Variants in PCDHGA1 observed in about 807,000 individuals in gnomAD.
PCDHGA1 encodes protocadherin gamma subfamily A, 1, also known as protocadherin gamma-A1.
A neutral mutation model predicts 58.0 loss-of-function variants in PCDHGA1; 32 were observed. That is an observed-to-expected ratio of 0.55 (90% CI 0.42 to 0.74). The LOEUF (loss-of-function observed/expected upper bound fraction) is 0.74, where lower values mean the gene tolerates loss of function less well. Among genes scored for constraint, PCDHGA1 ranks in the 30% least tolerant of loss-of-function variants. The pLI, the probability that PCDHGA1 is intolerant of heterozygous loss-of-function variation, is 0.00. For synonymous variants in PCDHGA1, 498 were observed against 501.1 expected (o/e 0.99, Z 0.08); for missense variants, 1,205 against 1,182.3 (o/e 1.02, Z -0.28).
rs567174433 is a variant in PCDHGA1, at chr5:141,443,351, G to A, written c.2422-51456G>A. On this transcript the variant is annotated intron_variant, in intron 1 of 3. Coordinates refer to ENST00000517417, the MANE Select transcript of PCDHGA1 (RefSeq NM_018912.3). ...AAAACAAAAATTAACAAGGTTTAGT[G>A]GTCCATGCCTGTGGTCTCAGCTACT... 6.6e-5 allele frequency among the ~76,000 whole-genome samples: 10 copies of A among 152,072 alleles called. No homozygotes were observed. The South Asian group carries it at 2.1e-3, about 32-fold the overall frequency.
Position 141,366,304 on chromosome 5 carries a change from C to T in PCDHGA1, c.2421+33199C>T, listed in dbSNP as rs373044204. On this transcript the variant is annotated intron_variant, in intron 1 of 3. Coordinates refer to ENST00000517417, the MANE Select transcript of PCDHGA1 (RefSeq NM_018912.3). The stretch of plus-strand genomic sequence containing the variant: ...GCCAGCCCCCTCTGTCAGCCACCTT[C>T]ACGGTCACCGTTGCCGTGGCCGACA... 4.3e-5 allele frequency: 70 copies of T among 1,613,786 alleles called. No individual in the cohort carries two copies. The African/African-American group carries it at 9.1e-4, about 21-fold the overall frequency.
intron 1 of PCDHGA1, among the ~76,000 whole-genome samples, chr5:141,494,146 T>C (rs1167835696): frequency 1.3e-5 from 2 of 152,168 alleles, no homozygotes; most frequent in Non-Finnish European, 2.9e-5. Context: ...TCACAGACCA[T>C]TGTCTGGCAC....
At position 141,393,088 on chromosome 5, in the gene PCDHGA1, G is replaced by T. The variant is rs760420305; in HGVS notation, c.2421+59983G>T. ...TTGATCACCGCGGGCAGGATAGATCGGGAGGAGCTCTGCGCTCAGAGCCCG... is the reference window on the plus strand; with the variant it reads ...TTGATCACCGCGGGCAGGATAGATCTGGAGGAGCTCTGCGCTCAGAGCCCG... On this transcript the variant is annotated intron_variant, in intron 1 of 3. Transcript: ENST00000517417. 3.7e-6 allele frequency: 6 copies of T among 1,613,530 alleles called. No homozygotes were observed. In the East Asian group the frequency reaches 1.3e-4, roughly 36 times the overall value.
chr5:141,375,784 C>T, intron 1 of PCDHGA1: 1 of 1,614,254 alleles, frequency 6.2e-7, no homozygotes. Context: ...ACCCCGCCCT[C>T]CCCACAGACG....
chr5:141,420,135 A>T (rs2096469364), intron 1 of PCDHGA1: 1 of 1,614,026 alleles, frequency 6.2e-7, no homozygotes. Flanking sequence ...GTGCCTGGGG[A>T]TCAAATGAAT....
At chr5:141,377,878 G>A (rs568106041) in intron 1 of PCDHGA1, 1 of 152,254 alleles carries the variant, frequency 6.6e-6, no homozygotes, top group East Asian at 1.9e-4. Flanking sequence ...TCTCTTATCA[G>A]AGATAGGATC....
intron 1 of PCDHGA1, chr5:141,376,578 A>C: frequency 6.3e-6 from 10 of 1,590,844 alleles, no homozygotes; most frequent in Non-Finnish European, 8.6e-6. Flanking sequence ...AGACAGGCTC[A>C]TCAGCTAGAT....
Position 141,487,401 on chromosome 5 carries a change from T to C in PCDHGA1, c.2422-7406T>C, listed in dbSNP as rs2099644244. The C allele has an allele frequency of 6.2e-7, 1 of 1,614,134 alleles. No individual in the cohort carries two copies. The highest frequency in any genetic ancestry group is 1.3e-5 in the African/African-American group (1 of 75,046). On this transcript the variant is annotated intron_variant, in intron 1 of 3. Transcript: ENST00000517417. This position sits in a 1 kb window ranked among gnomAD's most constrained non-coding sequence, Gnocchi z 5.0. ...ACCAGATCTCGAAGGAGGGAGGGGCTTCCCCCTTCCAATGGGATCCTCCGA... is the reference window on the plus strand; with the variant it reads ...ACCAGATCTCGAAGGAGGGAGGGGCCTCCCCCTTCCAATGGGATCCTCCGA...
chr5:141,360,965 T>A (rs780001160), intron 1 of PCDHGA1: 1 of 1,613,786 alleles, frequency 6.2e-7, no homozygotes, highest in Admixed American at 1.7e-5. Context: ...AACGCAGAGA[T>A]CACCTACTCC....
At chr5:141,387,448 G>T (rs913381872) in intron 1 of PCDHGA1, among the ~76,000 whole-genome samples, 1 of 152,228 alleles carries the variant, frequency 6.6e-6, no homozygotes, top group African/African-American at 2.4e-5. Context: ...TAATCTACAT[G>T]ATTTGCCTAA....
intron 1 of PCDHGA1, among the ~76,000 whole-genome samples, chr5:141,452,284 C>G (rs1182155879): frequency 6.6e-6 from 1 of 152,112 alleles, no homozygotes; most frequent in Non-Finnish European, 1.5e-5. Context: ...TTCTTACTTT[C>G]TGATATAAGA....
chr5:141,427,611 G>A (rs747386422), intron 1 of PCDHGA1: 22 of 691,570 alleles, frequency 3.2e-5, no homozygotes, highest in Non-Finnish European at 5.5e-5. Context: ...CATTGGTGAA[G>A]TCAACGACAA....
intron 1 of PCDHGA1, chr5:141,375,644 G>C: frequency 6.2e-7 from 1 of 1,614,180 alleles, no homozygotes; most frequent in Non-Finnish European, 8.5e-7. Flanking sequence ...GCGCTCCTTC[G>C]ACTATGAGCA....
Position 141,477,099 on chromosome 5 carries a change from G to C in PCDHGA1, c.2422-17708G>C. On this transcript the variant is annotated intron_variant, in intron 1 of 3. Transcript: ENST00000517417. This position sits in a 1 kb window ranked among gnomAD's most constrained non-coding sequence, Gnocchi z 4.9. ...ATTTACATCCAGGCCAAAGACAAGG[G>C]CGCCAATCCCGAAGGAGCACATTGC... 6.2e-7 allele frequency: 1 copy of C among 1,614,256 alleles called. No individual in the cohort carries two copies. Among genetic ancestry groups the C allele is most frequent in the Non-Finnish European group, 8.5e-7 (1 of 1,180,054 alleles).
intron 1 of PCDHGA1, chr5:141,361,134 C>T (rs774354989): frequency 4.3e-6 from 7 of 1,613,918 alleles, no homozygotes; most frequent in Non-Finnish European, 5.9e-6. Context: ...ACTGCAGTAT[C>T]CAAGTTGAAA....
intron 1 of PCDHGA1, chr5:141,427,791 G>T (rs763294539): frequency 1.3e-6 from 2 of 1,488,082 alleles, no homozygotes; most frequent in South Asian, 1.1e-5. Context: ...GTCGTCCTAC[G>T]TGTCCGTGAG....
At chr5:141,347,597 G>A (rs2149745917) in intron 1 of PCDHGA1, among the ~76,000 whole-genome samples, 2 of 152,154 alleles carry the variant, frequency 1.3e-5, no homozygotes, top group South Asian at 4.2e-4. Context: ...GAACACCCTG[G>A]CCAACATGGT....
At chr5:141,366,341 A>G in intron 1 of PCDHGA1, 1 of 1,613,914 alleles carries the variant, frequency 6.2e-7, no homozygotes, top group South Asian at 1.1e-5. Flanking sequence ...GATCCCTGAC[A>G]TCCTGGCTGA....
At chr5:141,481,191 C>A (rs1244434918) in intron 1 of PCDHGA1, among the ~76,000 whole-genome samples, 1 of 152,148 alleles carries the variant, frequency 6.6e-6, no homozygotes, top group Non-Finnish European at 1.5e-5. Context: ...GGGCCAGGCC[C>A]AATTTTTTTA....
Sources: allele counts gnomAD v4.1 joint callset (sites outside exome capture counted in the v4.1 genomes callset), GRCh38; gene constraint gnomAD v4.1.1; non-coding constraint Gnocchi (gnomAD v3.1); transcripts MANE v1.5; gene names NCBI Gene and HGNC (gene_info 2026-07-23, HGNC 2026-07-21).